The following MBP variants were observed in gnomAD, a reference collection of about 807,000 sequenced individuals.
MBP encodes Golli-MBP.
MBP carries 16 observed loss-of-function variants against 35.8 expected under a neutral mutation model. The ratio of observed to expected loss-of-function variants is 0.45; its 90% CI spans 0.30 to 0.68. The LOEUF is 0.68. Among genes scored for constraint, MBP ranks in the 30% least tolerant of loss-of-function variants. The pLI, the probability that MBP is intolerant of heterozygous loss-of-function variation, is 0.08. For synonymous variants in MBP, 143 were observed against 159.6 expected (o/e 0.90, Z 0.78); for missense variants, 380 against 404.7 (o/e 0.94, Z 0.52).
intron 4 of MBP, among the ~76,000 whole-genome samples, chr18:77,011,107 T>A (rs2123414546): frequency 6.6e-6 from 1 of 152,290 alleles, no homozygotes; most frequent in Middle Eastern, 3.4e-3. Flanking sequence ...CAGAGGCAAA[T>A]CTGTGGTGAG....
Position 76,989,008 on chromosome 18 carries a change from A to C in MBP, c.682-96T>G. On this transcript the variant is annotated intron_variant, in intron 5 of 8. Coordinates refer to ENST00000355994, the MANE Select transcript of MBP (RefSeq NM_001025101.2). The surrounding 1 kb of genome is among the most constrained non-coding windows in gnomAD (Gnocchi z 4.0). ...TGCCTGCTGAGGGTGGCTAGCATCC[A>C]TCAGCTGCCAGAAGCACCCGGGTGC... 8.3e-7 allele frequency: 1 copy of C among 1,208,590 alleles called. No homozygotes were observed. The highest frequency in any genetic ancestry group is 1.9e-4 in the Middle Eastern group (1 of 5,320). 74.9% of individuals were successfully genotyped at this position (1,208,590 alleles called of 1,614,324 possible). A position where few individuals can be genotyped will look rare whatever the true frequency, so the allele number is the denominator to read the frequency against.
chr18:77,038,082 C>T (rs1245523144), intron 3 of MBP, among the ~76,000 whole-genome samples: 1 of 152,174 alleles, frequency 6.6e-6, no homozygotes, highest in Non-Finnish European at 1.5e-5. Context: ...ATTTAACAGC[C>T]AGCGACTACT....
At chr18:77,096,200 T>C (rs1181085459) in intron 2 of MBP, among the ~76,000 whole-genome samples, 3 of 152,238 alleles carry the variant, frequency 2.0e-5, no homozygotes, top group Non-Finnish European at 2.9e-5. Context: ...AAAGCATTTT[T>C]CCCATCAAAG....
At chr18:77,076,306 C>A (rs570172225) in intron 2 of MBP, among the ~76,000 whole-genome samples, 3 of 152,246 alleles carry the variant, frequency 2.0e-5, no homozygotes, top group African/African-American at 7.2e-5. Context: ...CCACTTCCAC[C>A]GTGGCCTCTT....
chr18:77,114,483 T>C (rs1331067676), intron 1 of MBP: 1 of 152,270 alleles, frequency 6.6e-6, no homozygotes, highest in Non-Finnish European at 1.5e-5. Context: ...TCAGTTAGAT[T>C]AGCATTTGAA....
At chr18:76,994,026 G>A (rs1196433481) in intron 4 of MBP, among the ~76,000 whole-genome samples, 9 of 152,286 alleles carry the variant, frequency 5.9e-5, no homozygotes, top group Non-Finnish European at 8.8e-5. Flanking sequence ...GCTTCTCTGC[G>A]TTCAGTGACC....
intron 3 of MBP, among the ~76,000 whole-genome samples, chr18:77,033,893 TCTGATA>T (rs1288590927): frequency 2.0e-5 from 3 of 151,830 alleles, no homozygotes; most frequent in African/African-American, 7.3e-5. Flanking sequence ...CATCCACCCA[TCTGATA>T]CTCACATAGT....
At chr18:76,985,327 G>C (rs976849727) in intron 7 of MBP, 30 of 1,291,744 alleles carry the variant, frequency 2.3e-5, no homozygotes, top group Non-Finnish European at 3.0e-5. Flanking sequence ...TGTAGGTGCC[G>C]GTCCCCGGAG....
chr18:77,079,704 T>C (rs1974813698), intron 2 of MBP, among the ~76,000 whole-genome samples: 1 of 152,240 alleles, frequency 6.6e-6, no homozygotes, highest in Admixed American at 6.5e-5. Flanking sequence ...AAAAACTTCC[T>C]TGATTTCTTT....
At chr18:76,997,974 G>A (rs1047462716) in intron 4 of MBP, among the ~76,000 whole-genome samples, 3 of 152,196 alleles carry the variant, frequency 2.0e-5, no homozygotes, top group South Asian at 2.1e-4. Flanking sequence ...GAGCCACCAC[G>A]CCCGGCCTGA....
chr18:77,132,792 CG>C (rs1977330636), upstream of MBP: 1 of 152,182 alleles, frequency 6.6e-6, no homozygotes, highest in Non-Finnish European at 1.5e-5. Flanking sequence ...CTGACGGCGG[CG>C]GCTCCGAGGG....
intron 3 of MBP, among the ~76,000 whole-genome samples, chr18:77,029,640 A>C (rs1645272715): frequency 6.6e-6 from 1 of 152,146 alleles, no homozygotes; most frequent in African/African-American, 2.4e-5. Context: ...AGATCAACAT[A>C]ATAATAGACT....
chr18:77,027,438 G>A (rs891541920), intron 3 of MBP, among the ~76,000 whole-genome samples: 3 of 152,200 alleles, frequency 2.0e-5, no homozygotes, highest in Admixed American at 6.5e-5. Context: ...AGCCCTGCTG[G>A]TGTCCCCCTG....
chr18:77,048,741 G>T (rs906272353), intron 3 of MBP, among the ~76,000 whole-genome samples: 2 of 152,116 alleles, frequency 1.3e-5, no homozygotes, highest in Non-Finnish European at 2.9e-5. Flanking sequence ...TGGGATTACA[G>T]GCGTGAGCCA....
chr18:77,101,938 C>T lies in MBP; in HGVS notation c.51+3273G>A, dbSNP rs193007723. On this transcript the variant is annotated intron_variant, in intron 2 of 8. Coordinates refer to ENST00000355994, the MANE Select transcript of MBP (RefSeq NM_001025101.2). The surrounding 1 kb of genome is among the most constrained non-coding windows in gnomAD (Gnocchi z 4.3). ...AATAGGTATGATTCATTTACTCTTT[C>T]GAACATCTGTAAGCCAGTTATGTGC... Among the ~76,000 whole-genome samples the T allele has an allele frequency of 1.6e-4, 25 of 152,294 alleles. 1 individual carries two copies. In the East Asian group the frequency reaches 2.3e-3, roughly 14 times the overall value.
rs1313314753 is a variant in MBP at position 76,979,511 on chromosome 18, A to T, written c.*916T>A. 1.8e-5 allele frequency: 3 copies of T among 165,338 alleles called. No homozygotes were observed. The highest frequency in any genetic ancestry group is 3.9e-5 in the Non-Finnish European group (3 of 76,476). The allele number at this position is 165,338 out of a possible 1,614,324, so 10.2% of individuals were successfully genotyped here. A position where few individuals can be genotyped will look rare whatever the true frequency, so the allele number is the denominator to read the frequency against. On this transcript the variant is annotated 3_prime_UTR_variant, in exon 9 of 9. Transcript: ENST00000355994. ...TCTATGGGCGACTGGCGCGGCTGCG[A>T]GGCTGTCTAGAGGACTCCTACCCTT...
chr18:77,023,099 G>C (rs1478741516), intron 3 of MBP, among the ~76,000 whole-genome samples: 3 of 152,184 alleles, frequency 2.0e-5, no homozygotes, highest in Non-Finnish European at 4.4e-5. Flanking sequence ...TTATTGCTAG[G>C]ACAATGCTGG....
At chr18:76,992,481 C>T (rs1969989159) in intron 4 of MBP, among the ~76,000 whole-genome samples, 1 of 152,130 alleles carries the variant, frequency 6.6e-6, no homozygotes, top group East Asian at 1.9e-4. Flanking sequence ...GCTGGGGACC[C>T]CTTCTTTAAA....
chr18:77,016,512 C>G, intron 4 of MBP: 3 of 1,210,140 alleles, frequency 2.5e-6, no homozygotes, highest in Non-Finnish European at 3.1e-6. Flanking sequence ...CACCAGAGAC[C>G]CTGAGAATGT....
Sources: allele counts gnomAD v4.1 joint callset (sites outside exome capture counted in the v4.1 genomes callset), GRCh38; gene constraint gnomAD v4.1.1; non-coding constraint Gnocchi (gnomAD v3.1); transcripts MANE v1.5; gene names NCBI Gene and HGNC (gene_info 2026-07-23, HGNC 2026-07-21).